Variants in WDR20 observed in about 807,000 individuals in gnomAD.
WDR20 encodes WD repeat domain 20, also known as WD repeat-containing protein 20.
WDR20 carries 3 observed loss-of-function variants against 38.7 expected under a neutral mutation model. The observed-to-expected ratio is 0.08, with a 90% confidence interval of 0.04 to 0.20. The LOEUF is 0.20. Ranked by LOEUF, WDR20 falls within the 10% of genes least tolerant of loss-of-function variation. WDR20 has a pLI of 1.00. For synonymous variants in WDR20, 298 were observed against 285.6 expected (o/e 1.04, Z -0.44); for missense variants, 559 against 727.7 (o/e 0.77, Z 2.67).
At chr14:102,212,915 T>TA, downstream of WDR20, 1 of 1,095,980 alleles carries the variant, frequency 9.1e-7, no homozygotes, top group Non-Finnish European at 1.1e-6. Flanking sequence ...AAGAGGCTGT[T>TA]AAATACTCAG....
downstream of WDR20, among the ~76,000 whole-genome samples, chr14:102,219,868 G>A (rs936816736): frequency 3.3e-5 from 5 of 152,248 alleles, no homozygotes; most frequent in Non-Finnish European, 1.5e-5. Flanking sequence ...CAGGTTTGAG[G>A]GCGGTTGATT....
At chr14:102,172,234 A>T (rs2060992118) in intron 1 of WDR20, among the ~76,000 whole-genome samples, 1 of 146,646 alleles carries the variant, frequency 6.8e-6, no homozygotes, top group African/African-American at 2.4e-5. Context: ...GTAAGGTCAC[A>T]GATCAACAGG....
chr14:102,217,277 G>A (rs1205558120), downstream of WDR20, among the ~76,000 whole-genome samples: 3 of 152,210 alleles, frequency 2.0e-5, no homozygotes, highest in Non-Finnish European at 4.4e-5. Flanking sequence ...TCAGTGAACG[G>A]GATCACGATG....
chr14:102,175,084 T>C (rs2152845001), intron 1 of WDR20, among the ~76,000 whole-genome samples: 1 of 152,362 alleles, frequency 6.6e-6, no homozygotes, highest in Non-Finnish European at 1.5e-5. Context: ...TATTTATTTT[T>C]GTTGCATTTG....
intron 1 of WDR20, among the ~76,000 whole-genome samples, chr14:102,184,093 A>G (rs553393839): frequency 5.5e-4 from 84 of 152,384 alleles, no homozygotes; most frequent in African/African-American, 1.9e-3. Context: ...GAAGGGTTCA[A>G]TAAAAATAGG....
At chr14:102,166,390 C>A (rs2059793694) in intron 1 of WDR20, among the ~76,000 whole-genome samples, 1 of 152,058 alleles carries the variant, frequency 6.6e-6, no homozygotes, top group Non-Finnish European at 1.5e-5. Flanking sequence ...CATTCCATAT[C>A]TTTTTAAAAG....
At chr14:102,170,300 C>T (rs1211741542) in intron 1 of WDR20, among the ~76,000 whole-genome samples, 1 of 152,122 alleles carries the variant, frequency 6.6e-6, no homozygotes, top group Non-Finnish European at 1.5e-5. Flanking sequence ...TCACTTTGTA[C>T]ATACATCATT....
At chr14:102,155,181 A>T (rs542069499) in intron 1 of WDR20, among the ~76,000 whole-genome samples, 3 of 152,286 alleles carry the variant, frequency 2.0e-5, no homozygotes, top group Admixed American at 1.3e-4. Flanking sequence ...GTAAATAGAG[A>T]TGAGAATATC....
chr14:102,214,003 G>A (rs937988021), downstream of WDR20: 25 of 985,384 alleles, frequency 2.5e-5, no homozygotes, highest in Non-Finnish European at 2.5e-5. Flanking sequence ...AGGGCATGGC[G>A]GGGGATCCGG....
downstream of WDR20, among the ~76,000 whole-genome samples, chr14:102,218,242 T>C (rs2063466412): frequency 6.6e-6 from 1 of 152,196 alleles, no homozygotes; most frequent in Admixed American, 6.5e-5. Flanking sequence ...TATTGAACAG[T>C]CCCAGGTGGA....
At position 102,194,960 on chromosome 14, in the gene WDR20, T is replaced by C; in HGVS notation, c.272T>C (p.Ile91Thr). The change falls in exon 2 of 3, where the codon ATA becomes ACA. Residue 91 changes from isoleucine to threonine, a missense_variant. Transcript: ENST00000342702. ...CAGGCTGCTGACTTGAGTAAACCAA[T>C]AGATAAAAGGATATACAAAGGAACA... ...VRKAADLSKPIDKRIYKGTQP... is the reference protein window; with the variant it reads ...VRKAADLSKPTDKRIYKGTQP... 1 of 1,614,130 alleles carries C rather than the reference T, an allele frequency of 6.2e-7. No homozygotes were observed. The highest frequency in any genetic ancestry group is 8.5e-7 in the Non-Finnish European group (1 of 1,180,016).
chr14:102,181,659 G>T lies in WDR20; in HGVS notation c.250-13279G>T, dbSNP rs148294833. The stretch of plus-strand genomic sequence containing the variant: ...GTTGCTTCTGTAGTCTACTTCTTTG[G>T]GAATAGCTTTATATTTAACTTTTAA... On this transcript the variant is annotated intron_variant, in intron 1 of 2. Coordinates refer to ENST00000342702, the MANE Select transcript of WDR20 (RefSeq NM_144574.4). 4.6e-3 allele frequency among the ~76,000 whole-genome samples: 693 copies of T among 151,910 alleles called. 6 individuals are homozygous for T. The highest frequency in any genetic ancestry group is 0.016 in the African/African-American group (643 of 41,398).
chr14:102,173,433 AATTATTATTATT>A (rs59078063), intron 1 of WDR20, among the ~76,000 whole-genome samples: 7,049 of 138,788 alleles, frequency 0.051, 238 homozygotes, highest in Non-Finnish European at 0.07. Context: ...CTTTTTTTAA[AATTATTATTATT>A]ATTATTATTA....
intron 1 of WDR20, among the ~76,000 whole-genome samples, chr14:102,147,385 C>T (rs1199555407): frequency 6.6e-6 from 1 of 151,954 alleles, no homozygotes; most frequent in Non-Finnish European, 1.5e-5. Context: ...CGAGACCTTC[C>T]CAAAAAAGGA....
chr14:102,195,248 G>T, intron 2 of WDR20, 128 bp downstream of exon 2: 5 of 951,124 alleles, frequency 5.3e-6, no homozygotes, highest in Non-Finnish European at 7.7e-6. Context: ...CTCCTACCTA[G>T]TATGCCCAAG....
At chr14:102,170,810 C>T (rs1211036092) in intron 1 of WDR20, among the ~76,000 whole-genome samples, 1 of 151,748 alleles carries the variant, frequency 6.6e-6, no homozygotes, top group Non-Finnish European at 1.5e-5. Flanking sequence ...TAAATTAGCC[C>T]TTAATCTGTG....
At chr14:102,178,656 C>G (rs2062699466) in intron 1 of WDR20, among the ~76,000 whole-genome samples, 1 of 151,774 alleles carries the variant, frequency 6.6e-6, no homozygotes, top group Non-Finnish European at 1.5e-5. Flanking sequence ...CCAGGTAATT[C>G]TGATGGGCTA....
Position 102,207,210 on chromosome 14 carries a change from C to T in WDR20, c.433-1393C>T, listed in dbSNP as rs1179419734. On this transcript the variant is annotated intron_variant, in intron 2 of 2. Transcript: ENST00000342702. The surrounding 1 kb of genome is among the most constrained non-coding windows in gnomAD (Gnocchi z 5.0). Reference sequence around the variant, plus strand: ...TGCATGGTCCCCAGCCCTGGGCCCGCATGCTGTGTGGCGTTCAGGCCTCCG... The same window carrying T: ...TGCATGGTCCCCAGCCCTGGGCCCGTATGCTGTGTGGCGTTCAGGCCTCCG... Among the ~76,000 whole-genome samples the T allele has an allele frequency of 1.3e-5, 2 of 152,256 alleles. No homozygotes were observed. The highest frequency in any genetic ancestry group is 4.8e-5 in the African/African-American group (2 of 41,472).
Position 102,222,960 on chromosome 14 carries a change from T to A in WDR20, c.*77T>A. On this transcript the variant is annotated 3_prime_UTR_variant, in exon 4 of 4. Coordinates refer to the WDR20 transcript ENST00000335263. The surrounding 1 kb of genome is among the most constrained non-coding windows in gnomAD (Gnocchi z 4.4). ...ACGAGGAGGAGCTCCGAGCTGCGCC[T>A]GAGCCGTGCCAGCCGGCGGACCTCA... The A allele has an allele frequency of 6.3e-7, 1 of 1,577,482 alleles. No homozygotes were observed. The highest frequency in any genetic ancestry group is 8.7e-7 in the Non-Finnish European group (1 of 1,149,832).
Sources: gnomAD v4.1 joint callset for allele counts (sites outside exome capture counted in the v4.1 genomes callset) on GRCh38, gnomAD v4.1.1 for gene constraint, Gnocchi (gnomAD v3.1) non-coding constraint, MANE v1.5 for transcripts, NCBI Gene and HGNC (gene_info 2026-07-23, HGNC 2026-07-21) for gene names.